The following BOP1 variants were observed in gnomAD, a reference collection of about 807,000 sequenced individuals.
BOP1 encodes the protein BOP1 ribosomal biogenesis factor.
BOP1 carries 54 observed loss-of-function variants against 82.9 expected under a neutral mutation model. The observed-to-expected ratio is 0.65, with a 90% CI of 0.52 to 0.82. The LOEUF is 0.82. Ranked by LOEUF, BOP1 falls within the 40% of genes least tolerant of loss-of-function variation. The pLI is 0.00. For missense variants in BOP1, 1,170 were observed against 1,072.0 expected (o/e 1.09, Z -1.28); for synonymous variants, 566 against 451.1 (o/e 1.25, Z -3.23).
chr8:144,276,184 C>A, intron 3 of BOP1, 40 bp downstream of exon 3: 3 of 1,607,784 alleles, frequency 1.9e-6, no homozygotes, highest in Admixed American at 1.7e-5. Context: ...GTGATGGAAG[C>A]CGCCCCACCC....
At chr8:144,266,965 C>T (rs1845384646) in intron 3 of BOP1, 6 of 1,556,120 alleles carry the variant, frequency 3.9e-6, no homozygotes, top group African/African-American at 1.4e-5. Flanking sequence ...TGAGACGCTG[C>T]GCCTGGCCTC....
intron 3 of BOP1, among the ~76,000 whole-genome samples, chr8:144,274,171 T>C (rs1845535557): frequency 6.6e-6 from 1 of 151,418 alleles, no homozygotes; most frequent in African/African-American, 2.5e-5. Flanking sequence ...CCAGCTGAGA[T>C]CGCCGCTCGC....
chr8:144,282,163 C>A (rs755781944), intron 2 of BOP1, among the ~76,000 whole-genome samples: 11 of 152,184 alleles, frequency 7.2e-5, no homozygotes, highest in Admixed American at 7.2e-4. Context: ...GGACAGGAAG[C>A]GAGGCACAGG....
chr8:144,262,646 C>T lies in BOP1; in HGVS notation c.1921G>A (p.Asp641Asn), dbSNP rs1480031585. The T allele has an allele frequency of 1.6e-5, 26 of 1,613,256 alleles. No individual in the cohort carries two copies. Among genetic ancestry groups the T allele is most frequent in the East Asian group, 2.2e-5 (1 of 44,880 alleles). ...AGDNVICGSY[D>N]SKLVWFDLDL... ...AGGTCAAACCACACCAGCTTGCTAT[C>T]GTAGCTCCCACAGATGACGTTGTCA... is the stretch of plus-strand genomic sequence containing the variant. The change falls in exon 14 of 16, where the codon GAT (aspartate) becomes AAT (asparagine). Residue 641 changes from aspartate to asparagine, a missense_variant. By Grantham distance (23) the Asp-to-Asn change is conservative. Transcript: ENST00000569669.
intron 2 of BOP1, chr8:144,282,036 G>A (rs1417403899): frequency 6.6e-6 from 1 of 152,270 alleles, no homozygotes; most frequent in Non-Finnish European, 1.5e-5. Context: ...GGAAAAAACA[G>A]CTCTGAGCGC....
chr8:144,263,853 G>A lies in BOP1; in HGVS notation c.1199C>T (p.Pro400Leu). The A allele has an allele frequency of 6.2e-7, 1 of 1,611,558 alleles. No individual in the cohort carries two copies. Among genetic ancestry groups the A allele is most frequent in the East Asian group, 2.2e-5 (1 of 44,880 alleles). Reference protein sequence around the residue: ...PKLPRPRDLQPFPTCQALVYR... With the variant: ...PKLPRPRDLQLFPTCQALVYR... ...TACCAGGGCCTGGCACGTGGGGAAG[G>A]GCTGCAGGTCCCTCGGCCGAGGCAG... The change falls in exon 9 of 16, where the codon CCC (proline) becomes CTC (leucine). Residue 400 changes from proline (P) to leucine (L), a missense_variant. Pro to Leu is a moderately conservative substitution (Grantham distance 98). Coordinates refer to ENST00000569669, the MANE Select transcript of BOP1 (RefSeq NM_015201.5).
chr8:144,289,121 T>G lies in BOP1; in HGVS notation c.283A>C (p.Lys95Gln). ...ALDDEGHSGIKKTTEEQVQAS... is the reference protein window; with the variant it reads ...ALDDEGHSGIQKTTEEQVQAS... Reference sequence around the variant, plus strand: ...TGCACCTGCTCCTCAGTGGTCTTTTTAATCCCACTGTGGCCCTCGTCATCA... The same window carrying G: ...TGCACCTGCTCCTCAGTGGTCTTTTGAATCCCACTGTGGCCCTCGTCATCA... Residue 95 changes from lysine (K) to glutamine (Q), a missense_variant, in exon 2 of 16, where the codon AAA becomes CAA. By Grantham distance (53) the Lys-to-Gln change is moderately conservative. Coordinates refer to ENST00000569669, the MANE Select transcript of BOP1 (RefSeq NM_015201.5). The G allele has an allele frequency of 1.2e-6, 2 of 1,614,190 alleles. No individual in the cohort carries two copies. The highest frequency in any genetic ancestry group is 1.3e-5 in the African/African-American group (1 of 75,048).
In BOP1 at chr8:144,289,251, G is replaced by C; in HGVS notation, c.153C>G (p.Gly51=). The C allele has an allele frequency of 1.9e-6, 3 of 1,614,008 alleles. No individual in the cohort carries two copies. The highest frequency in any genetic ancestry group is 2.5e-6 in the Non-Finnish European group (3 of 1,179,944). The change falls in exon 2 of 16, where the codon GGC becomes GGG. Residue 51 remains glycine, a synonymous_variant. Transcript: ENST00000569669. ...ACACACTTTCCTCGCTGTCGGAGAC[G>C]CCAGAATCGCTGCCGGTGCTGTGGC... ...PLSHSTGSDS[G]VSDSEESVFS...
intron 3 of BOP1, among the ~76,000 whole-genome samples, chr8:144,274,406 C>A (rs1845538815): frequency 6.6e-6 from 1 of 152,200 alleles, no homozygotes; most frequent in African/African-American, 2.4e-5. Flanking sequence ...AGGCTGTCTC[C>A]CACCTCCCAA....
chr8:144,277,916 C>A (rs67974605), intron 2 of BOP1, among the ~76,000 whole-genome samples: 3 of 130,096 alleles, frequency 2.3e-5, no homozygotes, highest in Non-Finnish European at 5.3e-5. Flanking sequence ...TTTTTTTTAA[C>A]TTAAAAATTA....
chr8:144,270,057 A>C (rs923490147), intron 3 of BOP1, among the ~76,000 whole-genome samples: 1 of 152,198 alleles, frequency 6.6e-6, no homozygotes, highest in Non-Finnish European at 1.5e-5. Flanking sequence ...AAACCTCCAC[A>C]TGAACCCCCA....
intron 3 of BOP1, among the ~76,000 whole-genome samples, chr8:144,270,896 G>T (rs1554837697): frequency 6.6e-6 from 1 of 152,154 alleles, no homozygotes; most frequent in Non-Finnish European, 1.5e-5. Flanking sequence ...GCCGAGCTGG[G>T]CTGGAAACGC....
chr8:144,275,510 G>A (rs912250543), intron 3 of BOP1, among the ~76,000 whole-genome samples: 5 of 149,712 alleles, frequency 3.3e-5, no homozygotes, highest in East Asian at 2.0e-4. Context: ...CGCTGGCGGA[G>A]CCCAGCCCGG....
intron 2 of BOP1, among the ~76,000 whole-genome samples, chr8:144,287,301 C>T (rs924382913): frequency 2.0e-5 from 3 of 152,130 alleles, no homozygotes; most frequent in Admixed American, 2.0e-4. Flanking sequence ...TGAGCCACCA[C>T]GCCCGCTGAA....
At chr8:144,287,854 G>A (rs535339465) in intron 2 of BOP1, among the ~76,000 whole-genome samples, 120 of 152,278 alleles carry the variant, frequency 7.9e-4, no homozygotes, top group African/African-American at 2.4e-3. Flanking sequence ...AGCACACAAT[G>A]AACAAGCCAT....
At chr8:144,276,439 G>A in intron 2 of BOP1, 135 bp from the exon 3 acceptor site, 2 of 1,024,846 alleles carry the variant, frequency 2.0e-6, no homozygotes, top group Non-Finnish European at 2.9e-6. Context: ...ACAAGGCCGA[G>A]AACACCCAGC....
rs1308176890 is a variant in BOP1 at position 144,265,079 on chromosome 8, C to T, written c.391-8G>A. 3.7e-6 allele frequency: 6 copies of T among 1,605,570 alleles called. No homozygotes were observed. Among genetic ancestry groups the T allele is most frequent in the East Asian group, 2.2e-5 (1 of 44,780 alleles). On this transcript the variant is annotated splice_polypyrimidine_tract_variant and splice_region_variant and intron_variant, in intron 3 of 15. Coordinates refer to ENST00000569669, the MANE Select transcript of BOP1 (RefSeq NM_015201.5). ...CACCGTGTTCCGGATGTCCTGCAGCCGGGGGCCACCATGTCGGCATCTGAT... is the reference window on the plus strand; with the variant it reads ...CACCGTGTTCCGGATGTCCTGCAGCTGGGGGCCACCATGTCGGCATCTGAT...
chr8:144,268,031 G>C, intron 3 of BOP1: 2 of 1,545,568 alleles, frequency 1.3e-6, no homozygotes, highest in Non-Finnish European at 1.7e-6. Context: ...ATGGCACCCA[G>C]CAGGGAGGCC....
chr8:144,283,884 A>C (rs4977215), intron 2 of BOP1, among the ~76,000 whole-genome samples: 1,966 of 152,314 alleles, frequency 0.013, 155 homozygotes, highest in Admixed American at 0.12. Flanking sequence ...TCAGGAGGCC[A>C]AGACAGGTGG....
Sources: allele counts gnomAD v4.1 joint callset (sites outside exome capture counted in the v4.1 genomes callset), GRCh38; gene constraint gnomAD v4.1.1; transcripts MANE v1.5; gene names NCBI Gene and HGNC (gene_info 2026-07-23, HGNC 2026-07-21).